The following ZNF628 variants were observed in gnomAD, a reference collection of about 807,000 sequenced individuals.
ZNF628 encodes zinc finger protein 628.
ZNF628 carries 3 observed loss-of-function variants against 2.5 expected under a neutral mutation model. The observed-to-expected ratio is 1.19, with a 90% CI of 0.54 to 3.07. ZNF628 has a LOEUF of 3.07. ZNF628 is among the 30% of genes most tolerant of loss of function. The probability of loss-of-function intolerance (pLI) is 0.03; values close to 1 mark genes in which losing one functional copy is unlikely to be tolerated. For synonymous variants in ZNF628, 861 were observed against 717.1 expected, an observed-to-expected ratio of 1.20 and a Z score of -3.21; for missense variants, 1,610 against 1,517.1, an observed-to-expected ratio of 1.06 and a Z score of -1.02.
At position 55,484,398 on chromosome 19, in the gene ZNF628, C is replaced by G; in HGVS notation, c.*25C>G. On this transcript the variant is annotated 3_prime_UTR_variant, in exon 3 of 3. Transcript: ENST00000598519. The stretch of plus-strand genomic sequence containing the variant: ...AGGAGAGGCAGTGATTCCCCTCCCG[C>G]CCCGCACAGAGACCCCGACTCACTG... The G allele has an allele frequency of 2.1e-6, 3 of 1,427,452 alleles. No homozygotes were observed. The highest frequency in any genetic ancestry group is 3.0e-5 in the South Asian group (2 of 66,286). The allele number at this position is 1,427,452 out of a possible 1,614,324, so 88.4% of individuals were successfully genotyped here. A position where few individuals can be genotyped will look rare whatever the true frequency, so the allele number is the denominator to read the frequency against.
chr19:55,482,590 C>T lies in ZNF628; in HGVS notation c.1397C>T (p.Ser466Phe). ...GAGTGCGGCAAGTCCTTCAAGGGCT[C>T]CTCCGGGCTGCGCTACCACCTGCGG... Reference protein sequence around the residue: ...CAECGKSFKGSSGLRYHLRDH... With the variant: ...CAECGKSFKGFSGLRYHLRDH... The change falls in exon 3 of 3, where the codon TCC becomes TTC. Residue 466 changes from serine (S) to phenylalanine (F), a missense_variant. Ser to Phe is a radical substitution (Grantham distance 155, BLOSUM62 -2). This residue lies in a region of ZNF628 where 651 missense variants were observed against 575.6 expected (regional missense o/e 1.13). Transcript: ENST00000598519. 1 of 1,602,878 alleles carries T rather than the reference C, an allele frequency of 6.2e-7. No homozygotes were observed. Among genetic ancestry groups the T allele is most frequent in the Non-Finnish European group, 8.5e-7 (1 of 1,176,954 alleles).
chr19:55,478,276 G>T lies in ZNF628; in HGVS notation c.-78+1469G>T, dbSNP rs562231355. Among the ~76,000 whole-genome samples, 5 of 152,330 alleles carry T rather than the reference G, an allele frequency of 3.3e-5. No homozygotes were observed. In the East Asian group the frequency reaches 9.6e-4, roughly 29 times the overall value. On this transcript the variant is annotated intron_variant, in intron 1 of 2. Transcript: ENST00000598519. Reference sequence around the variant, plus strand: ...GCGGGGGAAAAATAAGGCAGGAAAAGGGAATGGGGAGTTGGAAGGGATTGT... The same window carrying T: ...GCGGGGGAAAAATAAGGCAGGAAAATGGAATGGGGAGTTGGAAGGGATTGT...
Position 55,483,692 on chromosome 19 carries a change from G to C in ZNF628, c.2499G>C (p.Gln833His). ...CAGCCCCAGAAGTAACCACGGTCCA[G>C]CTCCAGCCAGCGCAGGAGGTGACCA... ...LRPAPEVTTV[Q>H]LQPAQEVTTV... is the part of the protein sequence containing the mutation. Residue 833 changes from glutamine (Q) to histidine (H), a missense_variant, in exon 3 of 3, where the codon CAG (glutamine) becomes CAC (histidine). By Grantham distance (24) the Gln-to-His change is conservative. Around this residue, in one of 5 missense-constraint regions of ZNF628, gnomAD observed 712 missense variants for 603.6 expected, o/e 1.18. Coordinates refer to ENST00000598519, the MANE Select transcript of ZNF628 (RefSeq NM_033113.3). 6.2e-7 allele frequency: 1 copy of C among 1,613,598 alleles called. No homozygotes were observed. Among genetic ancestry groups the C allele is most frequent in the Non-Finnish European group, 8.5e-7 (1 of 1,179,838 alleles).
Position 55,482,158 on chromosome 19 carries a change from C to T in ZNF628, c.965C>T (p.Ala322Val). 6.7e-7 allele frequency: 1 copy of T among 1,497,848 alleles called. No individual in the cohort carries two copies. The highest frequency in any genetic ancestry group is 2.8e-5 in the East Asian group (1 of 36,010). 92.8% of individuals were successfully genotyped at this position (1,497,848 alleles called of 1,614,324 possible). Residue 322 changes from alanine to valine, a missense_variant, in exon 3 of 3, where the codon GCG becomes GTG. Physicochemically the swap from Ala to Val is moderately conservative, Grantham distance 64. This residue lies in a region of ZNF628 where 651 missense variants were observed against 575.6 expected (regional missense o/e 1.13). Coordinates refer to ENST00000598519, the MANE Select transcript of ZNF628 (RefSeq NM_033113.3). ...EHQPCPGPDAAPQPQEAPAEA... is the reference protein window; with the variant it reads ...EHQPCPGPDAVPQPQEAPAEA... ...CAGCCGTGCCCCGGGCCCGATGCGGCGCCCCAGCCCCAGGAGGCACCCGCC... is the reference window on the plus strand; with the variant it reads ...CAGCCGTGCCCCGGGCCCGATGCGGTGCCCCAGCCCCAGGAGGCACCCGCC...
rs1296285818 is a variant in ZNF628, at chr19:55,483,248, G to A, written c.2055G>A (p.Gln685=). ...TQDVHVLPHL[Q]ATLSLEVAGG... ...ATGTCCACGTCCTGCCCCACCTCCAGGCCACGCTCTCCCTCGAGGTGGCGG... is the reference window on the plus strand; with the variant it reads ...ATGTCCACGTCCTGCCCCACCTCCAAGCCACGCTCTCCCTCGAGGTGGCGG... The change falls in exon 3 of 3, where the codon CAG becomes CAA. Residue 685 remains glutamine (Q), a synonymous_variant. Transcript: ENST00000598519. 2 of 1,533,826 alleles carry A rather than the reference G, an allele frequency of 1.3e-6. No homozygotes were observed. The highest frequency in any genetic ancestry group is 8.7e-7 in the Non-Finnish European group (1 of 1,145,056).
rs146031583 is a variant in ZNF628, at chr19:55,484,119, A to G, written c.2926A>G (p.Ile976Val). The G allele has an allele frequency of 1.4e-4, 227 of 1,590,992 alleles. 1 individual carries two copies. The highest frequency in any genetic ancestry group is 1.8e-4 in the Non-Finnish European group (211 of 1,170,810). The change falls in exon 3 of 3, where the codon ATC (isoleucine) becomes GTC (valine). Residue 976 changes from isoleucine (I) to valine (V), a missense_variant. Ile to Val is a conservative substitution (Grantham distance 29). Coordinates refer to ENST00000598519, the MANE Select transcript of ZNF628 (RefSeq NM_033113.3). ...CGGCCCACCCGGACAGAAACTCCTC[A>G]TCATCCGCAGCGCCCCAGCCACTGA... is the stretch of plus-strand genomic sequence containing the variant. ...ATGPPGQKLL[I>V]IRSAPATELL... is the part of the protein sequence containing the mutation.
intron 1 of ZNF628, among the ~76,000 whole-genome samples, chr19:55,477,224 G>A (rs2123406408): frequency 6.6e-6 from 1 of 152,264 alleles, no homozygotes; most frequent in South Asian, 2.1e-4. Flanking sequence ...GAACGGGTGT[G>A]GCGCGGCCTT....
At position 55,479,281 on chromosome 19, in the gene ZNF628, G is replaced by A. The variant is rs1275991865; in HGVS notation, c.-77-553G>A. On this transcript the variant is annotated intron_variant, in intron 1 of 2. Coordinates refer to ENST00000598519, the MANE Select transcript of ZNF628 (RefSeq NM_033113.3). The surrounding 1 kb of genome is among the most constrained non-coding windows in gnomAD (Gnocchi z 5.1). The stretch of plus-strand genomic sequence containing the variant: ...AGTGGGCCATTGCGGGCCACGCGCC[G>A]CCCAGGCCATGGAGTGGGGGCACCC... Among the ~76,000 whole-genome samples, 4 of 152,192 alleles carry A rather than the reference G, an allele frequency of 2.6e-5. No homozygotes were observed. The highest frequency in any genetic ancestry group is 1.9e-4 in the East Asian group (1 of 5,186).
chr19:55,483,997 G>A lies in ZNF628; in HGVS notation c.2804G>A (p.Ser935Asn), dbSNP rs1986834207. Reference sequence around the variant, plus strand: ...CTCCAGACGGACGAGGGCTTGCAGAGCGTGCTGGTGCTGAGCGGGGCCGAT... The same window carrying A: ...CTCCAGACGGACGAGGGCTTGCAGAACGTGCTGGTGCTGAGCGGGGCCGAT... ...ETLQTDEGLQ[S>N]VLVLSGADGE... is the part of the protein sequence containing the mutation. Residue 935 changes from serine to asparagine, a missense_variant, in exon 3 of 3, where the codon AGC becomes AAC. Ser to Asn is a conservative substitution (Grantham distance 46, BLOSUM62 1). This residue lies in a region of ZNF628 where 712 missense variants were observed against 603.6 expected (regional missense o/e 1.18). Transcript: ENST00000598519. 6 of 1,583,940 alleles carry A rather than the reference G, an allele frequency of 3.8e-6. No individual in the cohort carries two copies. Among genetic ancestry groups the A allele is most frequent in the Non-Finnish European group, 5.2e-6 (6 of 1,163,496 alleles).
In ZNF628 at chr19:55,484,134, C is replaced by G; in HGVS notation, c.2941C>G (p.Pro981Ala). ...GAAACTCCTCATCATCCGCAGCGCC[C>G]CAGCCACTGAGCTGCTGGACAGCAG... Reference protein sequence around the residue: ...GQKLLIIRSAPATELLDSSNT... With the variant: ...GQKLLIIRSAAATELLDSSNT... Residue 981 changes from proline to alanine, a missense_variant, in exon 3 of 3, where the codon CCA becomes GCA. By Grantham distance (27) the Pro-to-Ala change is conservative. This residue lies in a region of ZNF628 where 712 missense variants were observed against 603.6 expected (regional missense o/e 1.18). Coordinates refer to ENST00000598519, the MANE Select transcript of ZNF628 (RefSeq NM_033113.3). 2.5e-6 allele frequency: 4 copies of G among 1,588,584 alleles called. No homozygotes were observed. Among genetic ancestry groups the G allele is most frequent in the Non-Finnish European group, 3.4e-6 (4 of 1,169,434 alleles).
chr19:55,479,608 C>A lies in ZNF628; in HGVS notation c.-77-226C>A, dbSNP rs4801677. ...TGACATTGTGGATGGGATTGTTCTC[C>A]GCTGTGGGGCCGTCCTGTGAATTGT... On this transcript the variant is annotated intron_variant, in intron 1 of 2. Transcript: ENST00000598519. This position sits in a 1 kb window ranked among gnomAD's most constrained non-coding sequence, Gnocchi z 5.1. 0.83 allele frequency among the ~76,000 whole-genome samples: 126,257 copies of A among 152,048 alleles called. 53,129 individuals carry two copies. The highest frequency in any genetic ancestry group is 0.93 in the African/African-American group (38,388 of 41,456).
intron 1 of ZNF628, among the ~76,000 whole-genome samples, chr19:55,477,150 C>T (rs904003167): frequency 5.9e-5 from 9 of 152,180 alleles, no homozygotes; most frequent in Non-Finnish European, 1.3e-4. Context: ...CCTGGTTTAG[C>T]TCAACAAAAG....
intron 1 of ZNF628, among the ~76,000 whole-genome samples, chr19:55,477,754 C>T (rs1276450161): frequency 7.4e-6 from 1 of 134,404 alleles, no homozygotes; most frequent in Non-Finnish European, 1.7e-5. Context: ...AGAGTGAGAC[C>T]CTGTCTCCAA....
chr19:55,484,352 C>G lies in ZNF628; in HGVS notation c.3159C>G (p.Val1053=). 6.9e-7 allele frequency: 1 copy of G among 1,456,606 alleles called. No individual in the cohort carries two copies. The highest frequency in any genetic ancestry group is 9.1e-7 in the Non-Finnish European group (1 of 1,100,786). 90.2% of individuals were successfully genotyped at this position (1,456,606 alleles called of 1,614,324 possible). Residue 1053 remains valine, a synonymous_variant, in exon 3 of 3, where the codon GTC becomes GTG. Transcript: ENST00000598519. ...SIQIVQTLPA[V]QLVHTF Reference sequence around the variant, plus strand: ...AGATTGTCCAGACTCTACCCGCAGTCCAGCTGGTGCACACGTTTTGAGGAG... The same window carrying G: ...AGATTGTCCAGACTCTACCCGCAGTGCAGCTGGTGCACACGTTTTGAGGAG...
At position 55,482,044 on chromosome 19, in the gene ZNF628, T is replaced by G; in HGVS notation, c.851T>G (p.Leu284Trp). The G allele has an allele frequency of 1.3e-6, 2 of 1,484,010 alleles. No individual in the cohort carries two copies. Among genetic ancestry groups the G allele is most frequent in the Non-Finnish European group, 1.8e-6 (2 of 1,120,052 alleles). The allele number at this position is 1,484,010 out of a possible 1,614,324, so 91.9% of individuals were successfully genotyped here. ...PPPPVVPELFLAAAETTVELV... is the reference protein window; with the variant it reads ...PPPPVVPELFWAAAETTVELV... ...CCGCCCGTGGTGCCTGAGCTCTTTT[T>G]GGCGGCGGCGGAGACCACGGTGGAG... Residue 284 changes from leucine to tryptophan, a missense_variant, in exon 3 of 3, where the codon TTG (leucine) becomes TGG (tryptophan). By Grantham distance (61) the Leu-to-Trp change is moderately conservative. Coordinates refer to ENST00000598519, the MANE Select transcript of ZNF628 (RefSeq NM_033113.3).
At position 55,482,124 on chromosome 19, in the gene ZNF628, C is replaced by A; in HGVS notation, c.931C>A (p.Leu311Met). The A allele has an allele frequency of 6.6e-7, 1 of 1,507,766 alleles. No homozygotes were observed. Among genetic ancestry groups the A allele is most frequent in the Non-Finnish European group, 8.8e-7 (1 of 1,130,834 alleles). The allele number at this position is 1,507,766 out of a possible 1,614,324, so 93.4% of individuals were successfully genotyped here. ...EQGFSSEELL[L>M]EHQPCPGPDA... Reference sequence around the variant, plus strand: ...GGGATTCAGCAGCGAGGAGCTGCTCCTGGAGCACCAGCCGTGCCCCGGGCC... The same window carrying A: ...GGGATTCAGCAGCGAGGAGCTGCTCATGGAGCACCAGCCGTGCCCCGGGCC... Residue 311 changes from leucine (L) to methionine (M), a missense_variant, in exon 3 of 3, where the codon CTG (leucine) becomes ATG (methionine). Coordinates refer to ENST00000598519, the MANE Select transcript of ZNF628 (RefSeq NM_033113.3).
Position 55,481,965 on chromosome 19 carries a change from C to T in ZNF628, c.772C>T (p.Arg258Trp). 6.8e-7 allele frequency: 1 copy of T among 1,464,528 alleles called. No individual in the cohort carries two copies. Among genetic ancestry groups the T allele is most frequent in the Non-Finnish European group, 9.0e-7 (1 of 1,115,254 alleles). The allele number at this position is 1,464,528 out of a possible 1,614,324, so 90.7% of individuals were successfully genotyped here. The change falls in exon 3 of 3, where the codon CGG (arginine) becomes TGG (tryptophan). Residue 258 changes from arginine (R) to tryptophan (W), a missense_variant. Around this residue, in one of 5 missense-constraint regions of ZNF628, gnomAD observed 651 missense variants for 575.6 expected, o/e 1.13. Coordinates refer to ENST00000598519, the MANE Select transcript of ZNF628 (RefSeq NM_033113.3). ...KVFVCDAYLQ[R>W]HLQPHSPPAP... ...CTTCGTGTGCGACGCCTACCTGCAG[C>T]GGCACCTCCAGCCCCACAGCCCGCC...
chr19:55,477,469 A>G (rs557708164), intron 1 of ZNF628, among the ~76,000 whole-genome samples: 2 of 152,112 alleles, frequency 1.3e-5, no homozygotes, highest in Non-Finnish European at 2.9e-5. Flanking sequence ...TCTTTTAAAA[A>G]GGAAGTTCTT....
chr19:55,482,911 A>G lies in ZNF628; in HGVS notation c.1718A>G (p.Lys573Arg). Reference sequence around the variant, plus strand: ...CCCCACGCCTGCGGTGTCTGCGGCAAGAGCTTCGCGCAGACCTCCAACCTG... The same window carrying G: ...CCCCACGCCTGCGGTGTCTGCGGCAGGAGCTTCGCGCAGACCTCCAACCTG... ...ERPHACGVCG[K>R]SFAQTSNLRQ... is the part of the protein sequence containing the mutation. Residue 573 changes from lysine to arginine, a missense_variant, in exon 3 of 3, where the codon AAG becomes AGG. Around this residue, in one of 5 missense-constraint regions of ZNF628, gnomAD observed 651 missense variants for 575.6 expected, o/e 1.13. Coordinates refer to ENST00000598519, the MANE Select transcript of ZNF628 (RefSeq NM_033113.3). The G allele has an allele frequency of 1.9e-6, 3 of 1,609,144 alleles. No homozygotes were observed. Among genetic ancestry groups the G allele is most frequent in the South Asian group, 2.2e-5 (2 of 90,938 alleles).
Sources: gnomAD v4.1 joint callset for allele counts (sites outside exome capture counted in the v4.1 genomes callset) on GRCh38, gnomAD v4.1.1 for gene constraint, gnomAD v4.1.1 regional missense constraint, Gnocchi (gnomAD v3.1) non-coding constraint, MANE v1.5 for transcripts, NCBI Gene and HGNC (gene_info 2026-07-23, HGNC 2026-07-21) for gene names.